NRG3: variants seen among roughly 807,000 people sequenced by gnomAD.
NRG3 encodes neuregulin 3.
In NRG3, 31 loss-of-function variants were observed where a neutral mutation model predicts 66.9. The ratio of observed to expected loss-of-function variants is 0.46; its 90% CI spans 0.35 to 0.63. The LOEUF is 0.63. Among genes scored for constraint, NRG3 ranks in the 20% least tolerant of loss-of-function variants. The pLI is 0.00. For missense variants in NRG3, 910 were observed against 878.9 expected, an observed-to-expected ratio of 1.04 and a Z score of -0.45; for synonymous variants, 393 against 359.4, an observed-to-expected ratio of 1.09 and a Z score of -1.06.
chr10:82,270,229 G>A (rs1258832887), intron 1 of NRG3, among the ~76,000 whole-genome samples: 2 of 152,120 alleles, frequency 1.3e-5, no homozygotes, highest in Non-Finnish European at 2.9e-5. Flanking sequence ...GGGATTAAGT[G>A]TGTAATCACA....
At chr10:81,991,232 A>G (rs1207005141) in intron 1 of NRG3, among the ~76,000 whole-genome samples, 2 of 152,186 alleles carry the variant, frequency 1.3e-5, no homozygotes, top group African/African-American at 4.8e-5. Flanking sequence ...GCTTTATCAA[A>G]TGGATGCATT....
At chr10:82,334,936 C>T (rs974804240) in intron 1 of NRG3, among the ~76,000 whole-genome samples, 5 of 152,138 alleles carry the variant, frequency 3.3e-5, no homozygotes, top group Admixed American at 2.0e-4. Context: ...TTATTGATTA[C>T]ACACTACATG....
chr10:82,276,332 A>T (rs977901065), intron 1 of NRG3, among the ~76,000 whole-genome samples: 8 of 152,030 alleles, frequency 5.3e-5, no homozygotes, highest in African/African-American at 1.9e-4. Context: ...ACAAAATTTG[A>T]ATAAACTGGC....
At chr10:82,038,256 C>CA (rs2062879910) in intron 1 of NRG3, among the ~76,000 whole-genome samples, 1 of 152,102 alleles carries the variant, frequency 6.6e-6, no homozygotes, top group Non-Finnish European at 1.5e-5. Flanking sequence ...ATGGTTTCTT[C>CA]AAATCACTTT....
chr10:82,619,116 C>A (rs189391210), intron 2 of NRG3, among the ~76,000 whole-genome samples: 3 of 151,426 alleles, frequency 2.0e-5, no homozygotes, highest in Non-Finnish European at 4.4e-5. Context: ...CCATTTTTTT[C>A]CATTTATATT....
At chr10:82,006,319 A>G (rs1251391204) in intron 1 of NRG3, among the ~76,000 whole-genome samples, 1 of 152,012 alleles carries the variant, frequency 6.6e-6, no homozygotes, top group Non-Finnish European at 1.5e-5. Flanking sequence ...TTTTCTTACA[A>G]TTGAATTTAT....
intron 2 of NRG3, among the ~76,000 whole-genome samples, chr10:82,643,840 T>A (rs544899305): frequency 4.6e-5 from 7 of 151,044 alleles, no homozygotes; most frequent in South Asian, 4.2e-4. Context: ...GCTCCTCCGT[T>A]TCTTTTGAAT....
chr10:82,794,431 G>T (rs753466307), intron 3 of NRG3, among the ~76,000 whole-genome samples: 8 of 152,072 alleles, frequency 5.3e-5, no homozygotes, highest in Non-Finnish European at 1.0e-4. Context: ...GGCCTGAAAT[G>T]TTCTCTAATT....
At chr10:82,469,565 A>G (rs531070715) in intron 2 of NRG3, among the ~76,000 whole-genome samples, 5 of 152,296 alleles carry the variant, frequency 3.3e-5, no homozygotes, top group Admixed American at 2.6e-4. Flanking sequence ...TCAGGGAGTG[A>G]TCATGGCTAG....
intron 1 of NRG3, among the ~76,000 whole-genome samples, chr10:82,321,108 A>G (rs907328101): frequency 1.3e-5 from 2 of 152,220 alleles, no homozygotes; most frequent in Non-Finnish European, 2.9e-5. Flanking sequence ...CAGAGCTAAA[A>G]TAGCACTGTA....
chr10:82,900,428 CT>C (rs1844106139), intron 4 of NRG3, among the ~76,000 whole-genome samples: 1 of 152,034 alleles, frequency 6.6e-6, no homozygotes. Flanking sequence ...TATGACATTA[CT>C]GTAAATTATT....
intron 1 of NRG3, among the ~76,000 whole-genome samples, chr10:82,299,851 T>C (rs999105722): frequency 1.3e-5 from 2 of 152,060 alleles, no homozygotes; most frequent in Non-Finnish European, 2.9e-5. Flanking sequence ...AAACCATCAA[T>C]GTATTTTAGA....
intron 1 of NRG3, among the ~76,000 whole-genome samples, chr10:82,126,738 C>T (rs2068471149): frequency 6.6e-6 from 1 of 151,968 alleles, no homozygotes; most frequent in African/African-American, 2.4e-5. Context: ...CTTCATAGGA[C>T]TCTAGGAATA....
chr10:82,044,711 TG>T (rs2063196112), intron 1 of NRG3, among the ~76,000 whole-genome samples: 1 of 152,016 alleles, frequency 6.6e-6, no homozygotes, highest in Non-Finnish European at 1.5e-5. Context: ...TATCTCCTAA[TG>T]CTATCCCTCC....
intron 2 of NRG3, among the ~76,000 whole-genome samples, chr10:82,637,032 A>G (rs991383565): frequency 2.0e-4 from 30 of 152,284 alleles, no homozygotes; most frequent in African/African-American, 7.2e-4. Context: ...TATTGTATTC[A>G]GGATTTTTGC....
At chr10:82,222,023 TTTC>T (rs2075966838) in intron 1 of NRG3, among the ~76,000 whole-genome samples, 1 of 151,876 alleles carries the variant, frequency 6.6e-6, no homozygotes, top group Admixed American at 6.6e-5. Context: ...TTGCTCACCC[TTTC>T]TTCTTGTAAG....
intron 1 of NRG3, among the ~76,000 whole-genome samples, chr10:82,112,901 A>G (rs2067474700): frequency 1.3e-5 from 2 of 152,138 alleles, no homozygotes; most frequent in Non-Finnish European, 1.5e-5. Context: ...GTGTGGTTTC[A>G]TGTGGCCATG....
At chr10:82,191,454 A>G (rs936791353) in intron 1 of NRG3, among the ~76,000 whole-genome samples, 3 of 152,126 alleles carry the variant, frequency 2.0e-5, no homozygotes, top group Non-Finnish European at 4.4e-5. Flanking sequence ...CTGTTCAGCC[A>G]TGGCTTTCAG....
In NRG3 at chr10:82,985,312, T is replaced by C; in HGVS notation, c.1798T>C (p.Trp600Arg). Residue 600 changes from tryptophan to arginine, a missense_variant, in exon 9 of 9, where the codon TGG becomes CGG. Physicochemically the swap from Trp to Arg is moderately radical, Grantham distance 101. Transcript: ENST00000372141. ...GATTTCTGAAGTCAAAAGCATCAAA[T>C]GGTGCAAAAACTCCTATTCAGCTGA... ...PGISEVKSIK[W>R]CKNSYSADVV... is the part of the protein sequence containing the mutation. The C allele has an allele frequency of 6.2e-7, 1 of 1,614,120 alleles. No homozygotes were observed. Among genetic ancestry groups the C allele is most frequent in the Non-Finnish European group, 8.5e-7 (1 of 1,179,992 alleles).
Sources: allele counts gnomAD v4.1 joint callset (sites outside exome capture counted in the v4.1 genomes callset), GRCh38; gene constraint gnomAD v4.1.1; transcripts MANE v1.5; gene names NCBI Gene and HGNC (gene_info 2026-07-23, HGNC 2026-07-21).